Variants in PRIM2 observed in about 807,000 individuals in gnomAD.
PRIM2 encodes the protein DNA primase subunit 2.
Under a neutral mutation model 67.3 loss-of-function variants are expected in PRIM2, and 39 were observed. The observed-to-expected ratio is 0.58, with a 90% CI of 0.45 to 0.76. The LOEUF is 0.76. Ranked by LOEUF, PRIM2 falls within the 30% of genes least tolerant of loss-of-function variation. The pLI is 0.00. For synonymous variants in PRIM2, 143 were observed against 198.7 expected, an observed-to-expected ratio of 0.72 and a Z score of 2.36; for missense variants, 398 against 598.7, an observed-to-expected ratio of 0.66 and a Z score of 3.50.
intron 7 of PRIM2, among the ~76,000 whole-genome samples, chr6:57,417,059 T>C (rs1471991205): frequency 6.6e-6 from 1 of 151,854 alleles, no homozygotes; most frequent in African/African-American, 2.4e-5. Flanking sequence ...CTCCGCCTCC[T>C]GGGTTCAAGC....
intron 5 of PRIM2, among the ~76,000 whole-genome samples, chr6:57,347,456 CTT>C (rs1768715491): frequency 6.6e-6 from 1 of 152,118 alleles, no homozygotes; most frequent in African/African-American, 2.4e-5. Context: ...TTAACTTCTT[CTT>C]CTGTGGTAGA....
chr6:57,299,213 C>T, the PRIM2 span, among the ~76,000 whole-genome samples: 1,550 of 151,918 alleles, frequency 0.01, 29 homozygotes, highest in African/African-American at 0.034. Context: ...TGTATTATCT[C>T]GATGAGTGGT....
chr6:57,435,881 TG>T (rs377407561), intron 7 of PRIM2, among the ~76,000 whole-genome samples: 72 of 152,312 alleles, frequency 4.7e-4, no homozygotes, highest in African/African-American at 1.6e-3. Context: ...AATGCACCAA[TG>T]GGGTATATTA....
chr6:57,464,694 A>G (rs1773127925), intron 7 of PRIM2, among the ~76,000 whole-genome samples: 1 of 152,334 alleles, frequency 6.6e-6, no homozygotes, highest in Non-Finnish European at 1.5e-5. Context: ...ATAAATTATG[A>G]TAATAATGAT....
intron 7 of PRIM2, among the ~76,000 whole-genome samples, chr6:57,484,363 T>G (rs1468142963): frequency 6.6e-6 from 1 of 152,210 alleles, no homozygotes; most frequent in Admixed American, 6.5e-5. Flanking sequence ...CTGTTAGCTG[T>G]TGTCGTCGCT....
At chr6:57,417,156 G>A (rs1436620812) in intron 7 of PRIM2, among the ~76,000 whole-genome samples, 2 of 151,878 alleles carry the variant, frequency 1.3e-5, no homozygotes, top group African/African-American at 4.8e-5. Flanking sequence ...TAGCAGAGAC[G>A]GGGTTTCACC....
At chr6:57,331,018 T>TA (rs956500638) in intron 5 of PRIM2, among the ~76,000 whole-genome samples, 41 of 148,292 alleles carry the variant, frequency 2.8e-4, no homozygotes, top group African/African-American at 6.9e-4. Flanking sequence ...CCGTCTCTAC[T>TA]AAAAAAAAAA....
chr6:57,417,195 G>A (rs1326604066), intron 7 of PRIM2, among the ~76,000 whole-genome samples: 1 of 152,112 alleles, frequency 6.6e-6, no homozygotes, highest in Non-Finnish European at 1.5e-5. Flanking sequence ...TCGAACTCCT[G>A]ACCTCAGGTG....
chr6:57,617,004 G>T (rs1352351115), intron 12 of PRIM2, among the ~76,000 whole-genome samples: 72 of 152,218 alleles, frequency 4.7e-4, no homozygotes, highest in African/African-American at 1.7e-3. Context: ...TTATCCATTC[G>T]TCCTTTGATG....
chr6:57,289,921 C>T, the PRIM2 span, among the ~76,000 whole-genome samples: 1 of 152,298 alleles, frequency 6.6e-6, no homozygotes, highest in Non-Finnish European at 1.5e-5. Context: ...AACCTGCTAA[C>T]ATCTTAATGA....
intron 7 of PRIM2, among the ~76,000 whole-genome samples, chr6:57,502,078 T>A (rs1774143435): frequency 6.6e-6 from 1 of 152,240 alleles, no homozygotes; most frequent in South Asian, 2.1e-4. Context: ...GAAGGAACTA[T>A]GTCATGGTCA....
chr6:57,222,721 G>T, the PRIM2 span, among the ~76,000 whole-genome samples: 3 of 152,106 alleles, frequency 2.0e-5, no homozygotes, highest in Non-Finnish European at 4.4e-5. Context: ...AAACGAAAAG[G>T]TTCCGCAAAA....
At chr6:57,314,859 C>T (rs766853661), upstream of PRIM2, 15 of 152,116 alleles carry the variant, frequency 9.9e-5, no homozygotes, top group Admixed American at 5.2e-4. Flanking sequence ...TTATTGCTAC[C>T]GTGATATGCG....
intron 7 of PRIM2, among the ~76,000 whole-genome samples, chr6:57,399,080 G>A (rs1770619064): frequency 6.6e-6 from 1 of 151,866 alleles, no homozygotes; most frequent in Admixed American, 6.6e-5. Flanking sequence ...TAGGGTACAT[G>A]TGTACAACAT....
intron 10 of PRIM2, among the ~76,000 whole-genome samples, chr6:57,570,269 A>G (rs1369605065): frequency 3.3e-4 from 50 of 152,304 alleles, no homozygotes; most frequent in African/African-American, 1.2e-3. Context: ...GTGCTGTTTT[A>G]TATAGGTCTA....
At chr6:57,552,047 G>T (rs1272268278) in intron 10 of PRIM2, among the ~76,000 whole-genome samples, 1 of 151,984 alleles carries the variant, frequency 6.6e-6, no homozygotes, top group African/African-American at 2.4e-5. Context: ...AAAACCTTTC[G>T]ATATGATTTC....
chr6:57,519,388 A>T (rs2127463647), intron 8 of PRIM2, among the ~76,000 whole-genome samples: 1 of 152,324 alleles, frequency 6.6e-6, no homozygotes, highest in East Asian at 1.9e-4. Context: ...CGACCATAAG[A>T]GATGGCTACG....
At chr6:57,269,726 A>G in the PRIM2 span, among the ~76,000 whole-genome samples, 2,757 of 152,070 alleles carry the variant, frequency 0.018, 97 homozygotes, top group African/African-American at 0.062. Flanking sequence ...CCTGAATGGT[A>G]TTGCCTAGGT....
At chr6:57,254,511 C>A in the PRIM2 span, among the ~76,000 whole-genome samples, 1 of 152,126 alleles carries the variant, frequency 6.6e-6, no homozygotes, top group Non-Finnish European at 1.5e-5. Flanking sequence ...ACGGAGTGGC[C>A]AAGTTAAATA....
Sources: allele counts gnomAD v4.1 joint callset (sites outside exome capture counted in the v4.1 genomes callset), GRCh38; gene constraint gnomAD v4.1.1; transcripts MANE v1.5; gene names NCBI Gene and HGNC (gene_info 2026-07-23, HGNC 2026-07-21).